The following LZTS1 variants were observed in gnomAD, a reference collection of about 807,000 sequenced individuals.
LZTS1 encodes the protein leucine zipper tumor suppressor 1.
Under a neutral mutation model 45.8 loss-of-function variants are expected in LZTS1, and 31 were observed. The observed-to-expected ratio is 0.68, with a 90% confidence interval of 0.51 to 0.91. LZTS1 has a LOEUF of 0.91. Among genes scored for constraint, LZTS1 ranks in the 40% least tolerant of loss-of-function variants. The pLI, the probability that LZTS1 is intolerant of heterozygous loss-of-function variation, is 0.00. For missense variants in LZTS1, 821 were observed against 788.9 expected, an observed-to-expected ratio of 1.04 and a Z score of -0.49; for synonymous variants, 359 against 357.3, an observed-to-expected ratio of 1.00 and a Z score of -0.05.
At chr8:20,279,589 C>G (rs568318886) in intron 1 of LZTS1, among the ~76,000 whole-genome samples, 1 of 149,690 alleles carries the variant, frequency 6.7e-6, no homozygotes, top group Admixed American at 6.7e-5. Flanking sequence ...GAAGTCCCAG[C>G]TACTGAGAGT....
intron 1 of LZTS1, among the ~76,000 whole-genome samples, chr8:20,293,526 A>T (rs570917713): frequency 1.3e-5 from 2 of 152,216 alleles, no homozygotes; most frequent in East Asian, 3.9e-4. Flanking sequence ...CTCACCCCCA[A>T]TACCAGACAA....
intron 1 of LZTS1, among the ~76,000 whole-genome samples, chr8:20,255,633 T>TGGTACCAGTGCTGCG (rs959178741): frequency 3.7e-4 from 57 of 152,078 alleles, no homozygotes; most frequent in Middle Eastern, 3.4e-3. Flanking sequence ...CTATAGCAAG[T>TGGTACCAGTGCTGCG]GGTACCAGTG....
Position 20,249,521 on chromosome 8 carries a change from C to T in LZTS1, c.*201G>A, listed in dbSNP as rs113241698. ...AGCCAGAGGAGTCAGGGCCTGACGT[C>T]TGGTGGGCTGCAGGGCTGGTGAGCA... On this transcript the variant is annotated 3_prime_UTR_variant, in exon 4 of 4. Transcript: ENST00000381569. 371 of 642,248 alleles carry T rather than the reference C, an allele frequency of 5.8e-4. No homozygotes were observed. Among genetic ancestry groups the T allele is most frequent in the African/African-American group, 5.6e-3 (306 of 54,686 alleles). The allele number at this position is 642,248 out of a possible 1,614,324, so 39.8% of individuals were successfully genotyped here. A position where few individuals can be genotyped will look rare whatever the true frequency, so the allele number is the denominator to read the frequency against.
intron 1 of LZTS1, chr8:20,289,432 G>C (rs1800859078): frequency 6.6e-6 from 1 of 152,286 alleles, no homozygotes; most frequent in African/African-American, 2.4e-5. Flanking sequence ...GTTCTGTCCT[G>C]CTCCCTCAGA....
chr8:20,257,361 A>G (rs973530844), intron 1 of LZTS1, among the ~76,000 whole-genome samples: 1 of 151,340 alleles, frequency 6.6e-6, no homozygotes, highest in Non-Finnish European at 1.5e-5. Flanking sequence ...TCCTGTCTCA[A>G]AAAAAAAAGT....
chr8:20,250,210 C>T lies in LZTS1; in HGVS notation c.1303G>A (p.Asp435Asn), dbSNP rs1324204020. ...KLEGLELRTQ[D>N]LEGALRTKGL... ...TTGGTGCGCAGGGCGCCCTCCAGGTCCTGGGTCCTCAGCTCCAGGCCCTCC... is the reference window on the plus strand; with the variant it reads ...TTGGTGCGCAGGGCGCCCTCCAGGTTCTGGGTCCTCAGCTCCAGGCCCTCC... The change falls in exon 4 of 4, where the codon GAC becomes AAC. Residue 435 changes from aspartate (D) to asparagine (N), a missense_variant. By Grantham distance (23) the Asp-to-Asn change is conservative (BLOSUM62 1). Coordinates refer to ENST00000381569, the MANE Select transcript of LZTS1 (RefSeq NM_021020.5). The T allele has an allele frequency of 6.2e-7, 1 of 1,612,660 alleles. No homozygotes were observed. The highest frequency in any genetic ancestry group is 8.5e-7 in the Non-Finnish European group (1 of 1,179,988).
intron 1 of LZTS1, among the ~76,000 whole-genome samples, chr8:20,265,807 C>T (rs1800342937): frequency 6.6e-6 from 1 of 151,870 alleles, no homozygotes; most frequent in East Asian, 1.9e-4. Flanking sequence ...CCCTGCTCTG[C>T]GCAGAGGGCA....
rs187604712 is a variant in LZTS1 at position 20,261,831 on chromosome 8, G to T, written c.-134-6516C>A. On this transcript the variant is annotated intron_variant, in intron 1 of 3. Transcript: ENST00000381569. ...ACACACGCCCTCCTCCTCCTCTGCCGCCATGCAGTGAGCAGGGGTCACTCC... is the reference window on the plus strand; with the variant it reads ...ACACACGCCCTCCTCCTCCTCTGCCTCCATGCAGTGAGCAGGGGTCACTCC... Among the ~76,000 whole-genome samples, 4 of 152,268 alleles carry T rather than the reference G, an allele frequency of 2.6e-5. No individual in the cohort carries two copies. The East Asian group carries it at 7.7e-4, about 29-fold the overall frequency.
chr8:20,285,349 G>C (rs1362780178), intron 1 of LZTS1, among the ~76,000 whole-genome samples: 1 of 151,604 alleles, frequency 6.6e-6, no homozygotes, highest in Non-Finnish European at 1.5e-5. Context: ...ATACGAGTTA[G>C]TGAGCCCCAC....
chr8:20,269,587 A>G (rs1049333801), intron 1 of LZTS1, among the ~76,000 whole-genome samples: 1 of 152,186 alleles, frequency 6.6e-6, no homozygotes, highest in Non-Finnish European at 1.5e-5. Flanking sequence ...TCAAGTCGGT[A>G]TTCTGAGGCC....
chr8:20,279,983 A>C (rs1428148907), intron 1 of LZTS1, among the ~76,000 whole-genome samples: 1 of 151,894 alleles, frequency 6.6e-6, no homozygotes, highest in African/African-American at 2.4e-5. Flanking sequence ...AAAAAAAAAA[A>C]AAAATTGCTG....
intron 1 of LZTS1, among the ~76,000 whole-genome samples, chr8:20,295,924 G>A (rs1206954418): frequency 6.6e-6 from 1 of 152,108 alleles, no homozygotes; most frequent in Non-Finnish European, 1.5e-5. Flanking sequence ...TTGTTTCCCT[G>A]CCTCCTTCAC....
intron 1 of LZTS1, among the ~76,000 whole-genome samples, chr8:20,261,972 C>A (rs114517298): frequency 5.8e-4 from 89 of 152,336 alleles, no homozygotes; most frequent in African/African-American, 2.0e-3. Context: ...TCCCCCTCTC[C>A]GTCCCACACC....
chr8:20,278,598 C>T (rs1800629129), intron 1 of LZTS1, among the ~76,000 whole-genome samples: 2 of 152,188 alleles, frequency 1.3e-5, no homozygotes, highest in Admixed American at 6.5e-5. Flanking sequence ...AAACTTGCCT[C>T]AGTTTCTCAC....
intron 1 of LZTS1, among the ~76,000 whole-genome samples, chr8:20,264,670 GC>G (rs1299323582): frequency 6.6e-6 from 1 of 152,188 alleles, no homozygotes; most frequent in East Asian, 1.9e-4. Flanking sequence ...GTACAGAGGA[GC>G]CCCCTGCTCT....
At chr8:20,296,418 C>G (rs1240704572) in intron 1 of LZTS1, among the ~76,000 whole-genome samples, 1 of 152,226 alleles carries the variant, frequency 6.6e-6, no homozygotes, top group African/African-American at 2.4e-5. Context: ...CATCCTCTTC[C>G]TCCAGAGGAT....
intron 1 of LZTS1, among the ~76,000 whole-genome samples, chr8:20,258,437 T>C (rs1800155914): frequency 6.6e-6 from 1 of 152,198 alleles, no homozygotes; most frequent in Admixed American, 6.5e-5. Context: ...TCTGTGACTC[T>C]GAATATCTAG....
At chr8:20,296,691 GTGTGTGCGTGTGTATGTGTGTA>G (rs1230287657) in intron 1 of LZTS1, among the ~76,000 whole-genome samples, 1 of 152,174 alleles carries the variant, frequency 6.6e-6, no homozygotes, top group Non-Finnish European at 1.5e-5. Flanking sequence ...ATGGATACGT[GTGTGTGCGTGTGTATGTGTGTA>G]TGTGTGCGTG....
At chr8:20,291,893 C>T (rs1800906576) in intron 1 of LZTS1, among the ~76,000 whole-genome samples, 1 of 152,136 alleles carries the variant, frequency 6.6e-6, no homozygotes, top group African/African-American at 2.4e-5. Flanking sequence ...GATCAACACA[C>T]AGGAAAAACC....
Sources: gnomAD v4.1 joint callset for allele counts (sites outside exome capture counted in the v4.1 genomes callset) on GRCh38, gnomAD v4.1.1 for gene constraint, MANE v1.5 for transcripts, NCBI Gene and HGNC (gene_info 2026-07-23, HGNC 2026-07-21) for gene names.